The following ADGRB3 variants were observed in gnomAD, a reference collection of about 807,000 sequenced individuals.
The protein encoded by ADGRB3 is adhesion G protein-coupled receptor B3, also known as brain-specific angiogenesis inhibitor 3.
In ADGRB3, 37 loss-of-function variants were observed where a neutral mutation model predicts 193.4. That is an observed-to-expected ratio of 0.19 (90% CI 0.15 to 0.25). The LOEUF is 0.25. Ranked by LOEUF, ADGRB3 falls within the 10% of genes least tolerant of loss-of-function variation. The probability of loss-of-function intolerance (pLI) is 1.00; values close to 1 mark genes in which losing one functional copy is unlikely to be tolerated. For synonymous variants in ADGRB3, 690 were observed against 644.2 expected (o/e 1.07, Z -1.08); for missense variants, 1,637 against 1,852.9 (o/e 0.88, Z 2.14).
chr6:68,941,950 A>G (rs931709021), intron 5 of ADGRB3, among the ~76,000 whole-genome samples: 1 of 150,986 alleles, frequency 6.6e-6, no homozygotes. Flanking sequence ...CAATGGATAT[A>G]AATTGGCTTT....
At chr6:68,667,798 G>T (rs1314556134) in intron 3 of ADGRB3, among the ~76,000 whole-genome samples, 1 of 151,802 alleles carries the variant, frequency 6.6e-6, no homozygotes, top group African/African-American at 2.4e-5. Flanking sequence ...TATATCATGT[G>T]ATATACTTTG....
intron 20 of ADGRB3, among the ~76,000 whole-genome samples, chr6:69,258,747 A>G (rs1037033631): frequency 3.3e-5 from 5 of 152,246 alleles, no homozygotes; most frequent in African/African-American, 1.2e-4. Context: ...CAACAAGAGT[A>G]AAAAGAGACA....
chr6:68,848,534 T>C lies in ADGRB3; in HGVS notation c.758-82025T>C, dbSNP rs900265349. Among the ~76,000 whole-genome samples the C allele has an allele frequency of 3.3e-5, 5 of 152,068 alleles. No homozygotes were observed. The South Asian group carries it at 1.0e-3, about 31-fold the overall frequency. On this transcript the variant is annotated intron_variant, in intron 3 of 31. Transcript: ENST00000370598. ...ATGATTCTGCATTAATCTAACAAAC[T>C]AGCTTTTGGGTGTTCTATTTAGTTT...
intron 3 of ADGRB3, among the ~76,000 whole-genome samples, chr6:68,805,251 T>C (rs1381621489): frequency 2.6e-5 from 4 of 152,332 alleles, no homozygotes; most frequent in African/African-American, 9.6e-5. Context: ...ATTCTAATGT[T>C]ATTTTAACAT....
intron 8 of ADGRB3, 58 bp from the exon 9 acceptor site, chr6:68,974,705 T>C: frequency 1.4e-6 from 2 of 1,464,314 alleles, no homozygotes; most frequent in Non-Finnish European, 9.5e-7. Context: ...GACAATTGTT[T>C]ATTGCCAAAA....
chr6:68,771,873 G>A (rs539003050), intron 3 of ADGRB3, among the ~76,000 whole-genome samples: 1 of 152,148 alleles, frequency 6.6e-6, no homozygotes, highest in Admixed American at 6.6e-5. Flanking sequence ...GGGGAAATCG[G>A]TGGTTTTCCA....
intron 17 of ADGRB3, among the ~76,000 whole-genome samples, chr6:69,212,045 TA>T (rs1205009359): frequency 6.6e-6 from 1 of 152,228 alleles, no homozygotes; most frequent in Non-Finnish European, 1.5e-5. Context: ...ATAAGAAGTT[TA>T]ATATTTTCTG....
At chr6:68,900,905 A>G (rs762761839) in intron 3 of ADGRB3, among the ~76,000 whole-genome samples, 70 of 152,100 alleles carry the variant, frequency 4.6e-4, no homozygotes, top group Non-Finnish European at 9.1e-4. Flanking sequence ...TCATCTGTTG[A>G]TTTATACAAT....
intron 17 of ADGRB3, among the ~76,000 whole-genome samples, chr6:69,218,395 C>T (rs1195126257): frequency 6.6e-6 from 1 of 152,120 alleles, no homozygotes; most frequent in Non-Finnish European, 1.5e-5. Context: ...ATAGGAATCA[C>T]TTCAGCCTGT....
At chr6:68,984,214 A>G (rs1769008475) in intron 10 of ADGRB3, among the ~76,000 whole-genome samples, 1 of 152,214 alleles carries the variant, frequency 6.6e-6, no homozygotes, top group African/African-American at 2.4e-5. Flanking sequence ...TATGGAGGAT[A>G]GACCATAGGG....
chr6:69,122,046 A>C (rs1250362349), intron 17 of ADGRB3, among the ~76,000 whole-genome samples: 2 of 151,946 alleles, frequency 1.3e-5, no homozygotes, highest in Non-Finnish European at 2.9e-5. Flanking sequence ...CCCACTTCCC[A>C]GACGGGGTGG....
chr6:69,095,731 TA>T (rs1209913207), intron 17 of ADGRB3, among the ~76,000 whole-genome samples: 1 of 152,154 alleles, frequency 6.6e-6, no homozygotes, highest in African/African-American at 2.4e-5. Context: ...TTTTCAGAAA[TA>T]GGCAAACTGA....
intron 3 of ADGRB3, among the ~76,000 whole-genome samples, chr6:68,779,849 T>G (rs1766820847): frequency 6.6e-6 from 1 of 152,086 alleles, no homozygotes. Flanking sequence ...TCCCTACTTC[T>G]TATTCTAGCT....
At chr6:69,003,418 A>G (rs539854231) in intron 11 of ADGRB3, among the ~76,000 whole-genome samples, 10 of 152,316 alleles carry the variant, frequency 6.6e-5, no homozygotes, top group East Asian at 5.8e-4. Flanking sequence ...AGCAGCACTC[A>G]TCTTTAAGGT....
chr6:69,340,444 C>G (rs1768950016), intron 26 of ADGRB3, among the ~76,000 whole-genome samples: 1 of 152,100 alleles, frequency 6.6e-6, no homozygotes. Context: ...ACAGTCTACT[C>G]TGTCATTTTG....
chr6:69,346,088 A>T (rs1769082244), intron 26 of ADGRB3, among the ~76,000 whole-genome samples: 1 of 152,224 alleles, frequency 6.6e-6, no homozygotes, highest in African/African-American at 2.4e-5. Context: ...GCTCAAGGAA[A>T]TAAGAGAGGA....
At chr6:69,026,754 T>G (rs1292518834) in intron 13 of ADGRB3, among the ~76,000 whole-genome samples, 1 of 152,176 alleles carries the variant, frequency 6.6e-6, no homozygotes, top group Non-Finnish European at 1.5e-5. Flanking sequence ...TGTTACTGTA[T>G]TGAATACTGT....
At chr6:69,348,831 A>G (rs868681834) in intron 26 of ADGRB3, among the ~76,000 whole-genome samples, 4 of 152,350 alleles carry the variant, frequency 2.6e-5, no homozygotes, top group South Asian at 2.1e-4. Context: ...TTATTAACTC[A>G]TGTCTTATTT....
At chr6:68,815,907 A>G (rs1767624015) in intron 3 of ADGRB3, among the ~76,000 whole-genome samples, 1 of 152,052 alleles carries the variant, frequency 6.6e-6, no homozygotes, top group Admixed American at 6.6e-5. Flanking sequence ...AAAACTTTAT[A>G]TCTTAAATGA....
Sources: allele counts gnomAD v4.1 joint callset (sites outside exome capture counted in the v4.1 genomes callset), GRCh38; gene constraint gnomAD v4.1.1; transcripts MANE v1.5; gene names NCBI Gene and HGNC (gene_info 2026-07-23, HGNC 2026-07-21).